Variants in HSPA12A observed in about 807,000 individuals in gnomAD.
HSPA12A encodes the protein heat shock 70 kDa protein 12A.
HSPA12A carries 28 observed loss-of-function variants against 69.2 expected under a neutral mutation model. The observed-to-expected ratio is 0.40, with a 90% CI of 0.30 to 0.55. The LOEUF is 0.55. Among genes scored for constraint, HSPA12A ranks in the 20% least tolerant of loss-of-function variants. The pLI, the probability that HSPA12A is intolerant of heterozygous loss-of-function variation, is 0.38. For missense variants in HSPA12A, 686 were observed against 900.7 expected (o/e 0.76, Z 3.05); for synonymous variants, 345 against 370.5 (o/e 0.93, Z 0.79).
intron 5 of HSPA12A, 57 bp from the exon 6 acceptor site, chr10:116,692,524 C>T: frequency 2.2e-6 from 3 of 1,372,356 alleles, no homozygotes; most frequent in Non-Finnish European, 3.1e-6. Flanking sequence ...CCTGGAGCAG[C>T]CTCCTGTGGC....
chr10:116,785,127 A>C (rs781862540), intron 2 of HSPA12A, among the ~76,000 whole-genome samples: 1 of 152,104 alleles, frequency 6.6e-6, no homozygotes, highest in Non-Finnish European at 1.5e-5. Flanking sequence ...GGAAACCCTC[A>C]TTGTGCCCTG....
intron 2 of HSPA12A, chr10:116,834,932 T>C (rs1845682524): frequency 8.1e-7 from 1 of 1,229,122 alleles, no homozygotes; most frequent in Non-Finnish European, 1.0e-6. Flanking sequence ...GTTAATTTCC[T>C]ACCTGAAGCG....
intron 6 of HSPA12A, among the ~76,000 whole-genome samples, chr10:116,688,276 G>T (rs1554879740): frequency 6.6e-6 from 1 of 152,130 alleles, no homozygotes; most frequent in Non-Finnish European, 1.5e-5. Context: ...CAGTTTCCTG[G>T]CCCTCATCCC....
chr10:116,681,824 C>T lies in HSPA12A; in HGVS notation c.889G>A (p.Val297Ile). ...AGCTCGGACCAGATTTCTCCTATGA[C>T]ATTCTCCACCAAAAAGGTCCGACTC... ...RQSRTFLVEN[V>I]IGEIWSELEE... The change falls in exon 8 of 12, where the codon GTC becomes ATC. Residue 297 changes from valine (V) to isoleucine (I), a missense_variant. By Grantham distance (29) the Val-to-Ile change is conservative (BLOSUM62 3). Transcript: ENST00000369209. The T allele has an allele frequency of 1.2e-6, 2 of 1,614,140 alleles. No individual in the cohort carries two copies. Among genetic ancestry groups the T allele is most frequent in the Non-Finnish European group, 1.7e-6 (2 of 1,179,974 alleles).
chr10:116,824,681 C>T lies in HSPA12A; in HGVS notation c.91+10254G>A, dbSNP rs1845467730. The stretch of plus-strand genomic sequence containing the variant: ...ATGGAGTCTTGCTCTGTCACCCAGG[C>T]TGGAGTGCAGTCGCATGATCTCGGC... On this transcript the variant is annotated intron_variant, in intron 2 of 12. Transcript: ENST00000635765. Among the ~76,000 whole-genome samples the T allele has an allele frequency of 2.0e-5, 3 of 152,332 alleles. 1 individual carries two copies. The highest frequency in any genetic ancestry group is 4.1e-4 in the South Asian group (2 of 4,832).
Position 116,692,488 on chromosome 10 carries a change from T to A in HSPA12A, c.547-21A>T, listed in dbSNP as rs782056556. On this transcript the variant is annotated intron_variant, in intron 5 of 11. Coordinates refer to ENST00000369209, the MANE Select transcript of HSPA12A (RefSeq NM_025015.3). ...AGCTCCTGAAGCCAAGGGAAAGAAA[T>A]GCAACAGGTCAAGTGGCAGCTGGTT... The A allele has an allele frequency of 1.8e-4, 292 of 1,585,512 alleles. No homozygotes were observed. The highest frequency in any genetic ancestry group is 2.5e-4 in the Non-Finnish European group (286 of 1,154,484).
chr10:116,790,715 G>A (rs1055589664), intron 2 of HSPA12A, among the ~76,000 whole-genome samples: 2 of 152,004 alleles, frequency 1.3e-5, no homozygotes, highest in African/African-American at 4.8e-5. Context: ...TATTGAGACA[G>A]AGTCTCACTC....
At chr10:116,833,801 C>A (rs1240719754) in intron 2 of HSPA12A, among the ~76,000 whole-genome samples, 4 of 152,200 alleles carry the variant, frequency 2.6e-5, no homozygotes, top group African/African-American at 9.7e-5. Context: ...CAGGGCTACA[C>A]AGAGTTTTCT....
At chr10:116,728,377 G>T (rs1851044558) in intron 1 of HSPA12A, among the ~76,000 whole-genome samples, 1 of 152,184 alleles carries the variant, frequency 6.6e-6, no homozygotes, top group African/African-American at 2.4e-5. Context: ...CGTAAGTCAA[G>T]GAGCATCTGT....
At position 116,805,265 on chromosome 10, in the gene HSPA12A, G is replaced by A. The variant is rs192150834; in HGVS notation, c.91+29670C>T. Among the ~76,000 whole-genome samples, 716 of 152,240 alleles carry A rather than the reference G, an allele frequency of 4.7e-3. 5 individuals are homozygous for A. Among genetic ancestry groups the A allele is most frequent in the African/African-American group, 0.016 (684 of 41,544 alleles). The stretch of plus-strand genomic sequence containing the variant: ...CGGGAGGCGGAGCTTGCAGTGAGCC[G>A]AGATCGCGCCACTGCACTCCAGCCT... On this transcript the variant is annotated intron_variant, in intron 2 of 12. Transcript: ENST00000635765.
chr10:116,820,296 G>C (rs578172044), intron 2 of HSPA12A, among the ~76,000 whole-genome samples: 16 of 152,322 alleles, frequency 1.1e-4, no homozygotes, highest in Middle Eastern at 6.8e-3. Flanking sequence ...CAAAGGGAAA[G>C]AGATTAATTT....
chr10:116,783,463 G>A (rs1844508012), intron 2 of HSPA12A, among the ~76,000 whole-genome samples: 1 of 152,214 alleles, frequency 6.6e-6, no homozygotes, highest in Non-Finnish European at 1.5e-5. Flanking sequence ...GAATGAGCGT[G>A]TGGGTGGACT....
chr10:116,698,673 C>A lies in HSPA12A; in HGVS notation c.508G>T (p.Ala170Ser). 6.2e-7 allele frequency: 1 copy of A among 1,614,086 alleles called. No homozygotes were observed. Among genetic ancestry groups the A allele is most frequent in the Non-Finnish European group, 8.5e-7 (1 of 1,179,922 alleles). Residue 170 changes from alanine (A) to serine (S), a missense_variant, in exon 5 of 12, where the codon GCT becomes TCT. Ala to Ser is a moderately conservative substitution (Grantham distance 99). Transcript: ENST00000369209. ...TCCTTAAAGTACTGCAGGGCATAAGCAAAGATTTCAAGGGCTTTGACTTTC... is the reference window on the plus strand; with the variant it reads ...TCCTTAAAGTACTGCAGGGCATAAGAAAAGATTTCAAGGGCTTTGACTTTC... ...GKKVKALEIFAYALQYFKEQA... is the reference protein window; with the variant it reads ...GKKVKALEIFSYALQYFKEQA...
intron 2 of HSPA12A, among the ~76,000 whole-genome samples, chr10:116,803,162 T>C (rs1180412982): frequency 1.1e-4 from 16 of 152,156 alleles, no homozygotes; most frequent in Admixed American, 3.9e-4. Flanking sequence ...TGACAGGTAG[T>C]TGGTATTTTC....
chr10:116,766,132 T>G (rs1452407634), intron 2 of HSPA12A, among the ~76,000 whole-genome samples: 1 of 152,182 alleles, frequency 6.6e-6, no homozygotes, highest in Non-Finnish European at 1.5e-5. Context: ...CCACCTTCAG[T>G]GCTGAGTGTG....
intron 2 of HSPA12A, among the ~76,000 whole-genome samples, chr10:116,797,818 C>A (rs1036299339): frequency 2.6e-5 from 4 of 152,092 alleles, no homozygotes; most frequent in Non-Finnish European, 5.9e-5. Flanking sequence ...CAGGAACACA[C>A]AGGCCACAAA....
rs1036218035 is a variant in HSPA12A, at chr10:116,695,685, G to A, written c.546+2950C>T. Among the ~76,000 whole-genome samples the A allele has an allele frequency of 2.2e-4, 34 of 151,984 alleles. No individual in the cohort carries two copies. In the East Asian group the frequency reaches 4.9e-3, roughly 22 times the overall value. On this transcript the variant is annotated intron_variant, in intron 5 of 11. Transcript: ENST00000369209. ...CAAAAAATTAGCCAGGCATGGTGGCGGGCGCCTGTAGTCCCAGCTACTCGG... is the reference window on the plus strand; with the variant it reads ...CAAAAAATTAGCCAGGCATGGTGGCAGGCGCCTGTAGTCCCAGCTACTCGG...
In HSPA12A at chr10:116,672,924, G is replaced by A. The variant is rs1261156667; in HGVS notation, c.*1857C>T. 12 of 152,608 alleles carry A rather than the reference G, an allele frequency of 7.9e-5. No individual in the cohort carries two copies. The highest frequency in any genetic ancestry group is 4.4e-5 in the Non-Finnish European group (3 of 68,044). 9.5% of individuals were successfully genotyped at this position (152,608 alleles called of 1,614,324 possible). ...CTCTAAGTTCTGTGGTTTGTTCGTT[G>A]TTTCACATTCTAGTAGGGAATTCTG... On this transcript the variant is annotated 3_prime_UTR_variant, in exon 12 of 12. Transcript: ENST00000369209.
chr10:116,734,650 C>CTTCT (rs1554886263), intron 1 of HSPA12A, among the ~76,000 whole-genome samples: 1 of 133,828 alleles, frequency 7.5e-6, no homozygotes, highest in African/African-American at 2.8e-5. Flanking sequence ...AGATTTTCAG[C>CTTCT]TTTTTTTTTT....
Sources: gnomAD v4.1 joint callset for allele counts (sites outside exome capture counted in the v4.1 genomes callset) on GRCh38, gnomAD v4.1.1 for gene constraint, MANE v1.5 for transcripts, NCBI Gene and HGNC (gene_info 2026-07-23, HGNC 2026-07-21) for gene names.